LRBA: variants seen among roughly 807,000 people sequenced by gnomAD.
LRBA encodes the protein LPS responsive beige-like anchor protein.
A neutral mutation model predicts 330.0 loss-of-function variants in LRBA; 176 were observed. The observed-to-expected ratio is 0.53, with a 90% CI of 0.47 to 0.60. The LOEUF is 0.60. Ranked by LOEUF, LRBA falls within the 20% of genes least tolerant of loss-of-function variation. The pLI is 0.00. For synonymous variants in LRBA, 1,230 were observed against 1,193.0 expected (o/e 1.03, Z -0.64); for missense variants, 3,259 against 3,444.8 (o/e 0.95, Z 1.35).
At chr4:150,344,814 G>A (rs1216027131) in intron 48 of LRBA, among the ~76,000 whole-genome samples, 1 of 152,132 alleles carries the variant, frequency 6.6e-6, no homozygotes, top group African/African-American at 2.4e-5. Context: ...GCCTCCAAAA[G>A]TGCTGGAATT....
At chr4:150,704,178 G>A (rs956746972) in intron 36 of LRBA, among the ~76,000 whole-genome samples, 3 of 152,044 alleles carry the variant, frequency 2.0e-5, no homozygotes, top group African/African-American at 7.2e-5. Context: ...CCCACCACTG[G>A]ACTTCAGCCT....
chr4:150,798,636 C>T (rs576652307), intron 33 of LRBA, among the ~76,000 whole-genome samples: 1 of 152,240 alleles, frequency 6.6e-6, no homozygotes, highest in Non-Finnish European at 1.5e-5. Flanking sequence ...TCACACTAAA[C>T]CTTAACAGAA....
intron 48 of LRBA, among the ~76,000 whole-genome samples, chr4:150,340,903 G>A (rs1394334249): frequency 6.6e-6 from 1 of 152,146 alleles, no homozygotes; most frequent in Non-Finnish European, 1.5e-5. Flanking sequence ...GAGGTATGCA[G>A]GGCCAGATCA....
chr4:150,618,557 A>T (rs181132124), intron 37 of LRBA, among the ~76,000 whole-genome samples: 4 of 152,200 alleles, frequency 2.6e-5, no homozygotes, highest in East Asian at 1.9e-4. Flanking sequence ...TTTATTTTTT[A>T]AAGTTAAAAA....
chr4:150,617,237 C>T (rs1177752091), intron 37 of LRBA, among the ~76,000 whole-genome samples: 1 of 152,138 alleles, frequency 6.6e-6, no homozygotes, highest in Non-Finnish European at 1.5e-5. Context: ...CTCAAAAAAC[C>T]TCATAAAGAA....
At chr4:150,836,334 T>C (rs924898834) in intron 28 of LRBA, among the ~76,000 whole-genome samples, 5 of 152,180 alleles carry the variant, frequency 3.3e-5, no homozygotes, top group Admixed American at 1.3e-4. Context: ...TTAGGGAGGA[T>C]TCCCTCTTTT....
chr4:150,554,542 C>T (rs1581658272), intron 40 of LRBA, among the ~76,000 whole-genome samples: 2 of 151,730 alleles, frequency 1.3e-5, no homozygotes, highest in South Asian at 4.2e-4. Context: ...GAAGAGAAAC[C>T]CTAAAATGTT....
intron 2 of LRBA, among the ~76,000 whole-genome samples, chr4:150,987,074 T>C (rs2149617038): frequency 6.6e-6 from 1 of 152,342 alleles, no homozygotes; most frequent in African/African-American, 2.4e-5. Context: ...TTGTTCCATA[T>C]CAAGTTTTCA....
intron 5 of LRBA, among the ~76,000 whole-genome samples, chr4:150,920,496 C>A (rs1733133844): frequency 6.6e-6 from 1 of 152,140 alleles, no homozygotes; most frequent in Non-Finnish European, 1.5e-5. Context: ...TTGCAGTGAG[C>A]CGAGATCGCA....
intron 52 of LRBA, among the ~76,000 whole-genome samples, chr4:150,307,525 C>A (rs1730512513): frequency 6.6e-6 from 1 of 151,424 alleles, no homozygotes; most frequent in African/African-American, 2.4e-5. Context: ...TTTAAGACCA[C>A]CCTGGACAAC....
chr4:150,300,417 G>A (rs1361177872), intron 53 of LRBA, among the ~76,000 whole-genome samples: 1 of 152,032 alleles, frequency 6.6e-6, no homozygotes, highest in Non-Finnish European at 1.5e-5. Flanking sequence ...CAGACAATGA[G>A]AGGGTATAGA....
Position 150,848,837 on chromosome 4 carries a change from C to T in LRBA, c.4320G>A (p.Leu1440=), listed in dbSNP as rs961104738. Reference sequence around the variant, plus strand: ...GCTCACCTAGTCGGAGACACTGCCGCAAAATTCCTCCAGATGACATACTTT... The same window carrying T: ...GCTCACCTAGTCGGAGACACTGCCGTAAAATTCCTCCAGATGACATACTTT... ...AEKSMSSGGI[L]RQCLRLVCAV... The change falls in exon 26 of 57, where the codon TTG becomes TTA. Residue 1440 remains leucine, a synonymous_variant. Transcript: ENST00000651943. 10 of 1,605,694 alleles carry T rather than the reference C, an allele frequency of 6.2e-6. No individual in the cohort carries two copies. Among genetic ancestry groups the T allele is most frequent in the Admixed American group, 1.7e-5 (1 of 57,864 alleles).
In LRBA at chr4:150,928,821, G is replaced by GA. The variant is rs779183221; in HGVS notation, c.448+12dup. ...ATTTCTTTGCATATATTGTACTATAGAAAAAATCATACCTGCTATCATATT... is the reference window on the plus strand; with the variant it reads ...ATTTCTTTGCATATATTGTACTATAGAAAAAAATCATACCTGCTATCATATT... On this transcript the variant is annotated intron_variant, in intron 3 of 56. Coordinates refer to ENST00000651943, the MANE Select transcript of LRBA (RefSeq NM_001364905.1). 2.4e-5 allele frequency: 38 copies of GA among 1,593,860 alleles called. No homozygotes were observed. The highest frequency in any genetic ancestry group is 1.8e-4 in the South Asian group (16 of 90,582).
rs1434908586 is a variant in LRBA, at chr4:151,014,748, A to G, written c.-106T>C. On this transcript the variant is annotated 5_prime_UTR_variant, in exon 2 of 57. Coordinates refer to ENST00000651943, the MANE Select transcript of LRBA (RefSeq NM_001364905.1). ...TGCAAAACGAAAGGGTCCCTCTTCC[A>G]ACTTGTGGAGATACCCCAAAGCAGT... 5.5e-6 allele frequency: 4 copies of G among 723,534 alleles called. No individual in the cohort carries two copies. The highest frequency in any genetic ancestry group is 4.6e-6 in the Non-Finnish European group (2 of 437,348). The allele number at this position is 723,534 out of a possible 1,614,324, so 44.8% of individuals were successfully genotyped here.
intron 36 of LRBA, among the ~76,000 whole-genome samples, chr4:150,722,669 T>C (rs912118316): frequency 2.0e-5 from 3 of 151,972 alleles, no homozygotes; most frequent in Non-Finnish European, 4.4e-5. Flanking sequence ...TAGAGGCCTA[T>C]CCCGTTTGTC....
chr4:150,308,411 C>G (rs1730628785), intron 52 of LRBA, among the ~76,000 whole-genome samples: 1 of 152,330 alleles, frequency 6.6e-6, no homozygotes, highest in East Asian at 1.9e-4. Flanking sequence ...AAAGATACAG[C>G]ACATACAATT....
chr4:150,535,090 T>C (rs1764502731), intron 40 of LRBA, among the ~76,000 whole-genome samples: 1 of 152,208 alleles, frequency 6.6e-6, no homozygotes, highest in Non-Finnish European at 1.5e-5. Flanking sequence ...TTCAATATTT[T>C]ACAATCCTGA....
chr4:150,805,285 GAAGGAAAGGAAAGGAAAGGAAAGGA>G (rs70941449), intron 33 of LRBA, among the ~76,000 whole-genome samples: 6 of 39,208 alleles, frequency 1.5e-4, no homozygotes, highest in African/African-American at 5.1e-4. Flanking sequence ...AAGGAAAGGA[GAAGGAAAGGAAAGGAAAGGAAAGGA>G]AAGGAAAGGA....
At chr4:150,573,207 T>C (rs1770090351) in intron 40 of LRBA, among the ~76,000 whole-genome samples, 1 of 152,144 alleles carries the variant, frequency 6.6e-6, no homozygotes, top group Non-Finnish European at 1.5e-5. Flanking sequence ...CTGTCATAAT[T>C]TGCATTGCAC....
Sources: gnomAD v4.1 joint callset for allele counts (sites outside exome capture counted in the v4.1 genomes callset) on GRCh38, gnomAD v4.1.1 for gene constraint, MANE v1.5 for transcripts, NCBI Gene and HGNC (gene_info 2026-07-23, HGNC 2026-07-21) for gene names.